Variants in TRPM3 observed in about 807,000 individuals in gnomAD.
TRPM3 encodes long transient receptor potential channel 3.
In TRPM3, 77 loss-of-function variants were observed where a neutral mutation model predicts 181.2. The observed-to-expected ratio is 0.42, with a 90% CI of 0.35 to 0.51. TRPM3 has a LOEUF of 0.51. Ranked by LOEUF, TRPM3 falls within the 20% of genes least tolerant of loss-of-function variation. The pLI is 0.01. For synonymous variants in TRPM3, 745 were observed against 796.4 expected (o/e 0.94, Z 1.09); for missense variants, 1,759 against 2,196.7 (o/e 0.80, Z 3.98).
chr9:70,800,515 T>C (rs1386349393), intron 6 of TRPM3, among the ~76,000 whole-genome samples: 1 of 152,144 alleles, frequency 6.6e-6, no homozygotes, highest in African/African-American at 2.4e-5. Context: ...CACTTATATG[T>C]AGATTTTCTT....
chr9:71,109,143 C>T (rs1194022785), intron 1 of TRPM3, among the ~76,000 whole-genome samples: 1 of 152,200 alleles, frequency 6.6e-6, no homozygotes, highest in Non-Finnish European at 1.5e-5. Flanking sequence ...TTTTCTGGCT[C>T]TCCAGCCAAC....
At chr9:70,975,278 G>A (rs1298876172) in intron 1 of TRPM3, among the ~76,000 whole-genome samples, 1 of 152,088 alleles carries the variant, frequency 6.6e-6, no homozygotes, top group Non-Finnish European at 1.5e-5. Flanking sequence ...ATCTTTAAGA[G>A]TAAAAAAATA....
chr9:71,344,954 A>C (rs1017813627), intron 1 of TRPM3, among the ~76,000 whole-genome samples: 1 of 152,236 alleles, frequency 6.6e-6, no homozygotes, highest in African/African-American at 2.4e-5. Flanking sequence ...ACATTGCTCA[A>C]GAGAAGACAT....
rs548526532 is a variant in TRPM3, at chr9:71,045,044, T to C, written c.177+76134A>G. Among the ~76,000 whole-genome samples, 7 of 152,180 alleles carry C rather than the reference T, an allele frequency of 4.6e-5. No homozygotes were observed. In the East Asian group the frequency reaches 7.7e-4, roughly 17 times the overall value. On this transcript the variant is annotated intron_variant, in intron 1 of 25. Coordinates refer to ENST00000677713, the MANE Select transcript of TRPM3 (RefSeq NM_001366145.2). ...AGGAGACACTCCATCGAAGAGTCTC[T>C]AGGATTTATTATCACTTTTAATACT... is the stretch of plus-strand genomic sequence containing the variant.
At chr9:70,701,862 T>G (rs2072679221) in intron 8 of TRPM3, among the ~76,000 whole-genome samples, 1 of 151,558 alleles carries the variant, frequency 6.6e-6, no homozygotes, top group Non-Finnish European at 1.5e-5. Flanking sequence ...CATGTGTGAG[T>G]CTACATCTTC....
intron 1 of TRPM3, among the ~76,000 whole-genome samples, chr9:71,239,817 T>C (rs1296792521): frequency 1.3e-5 from 2 of 152,146 alleles, no homozygotes; most frequent in South Asian, 2.1e-4. Flanking sequence ...CATGCTTTCA[T>C]GTAAGTTATT....
intron 1 of TRPM3, among the ~76,000 whole-genome samples, chr9:71,316,782 T>C (rs896289856): frequency 1.3e-5 from 2 of 152,264 alleles, no homozygotes; most frequent in South Asian, 2.1e-4. Context: ...TACATTTTTA[T>C]TGTTTAAACC....
chr9:71,236,226 C>T (rs948787515), intron 1 of TRPM3, among the ~76,000 whole-genome samples: 35 of 152,156 alleles, frequency 2.3e-4, no homozygotes, highest in Admixed American at 2.3e-3. Flanking sequence ...AGTGTTAGAT[C>T]CACAACTTTC....
intron 1 of TRPM3, among the ~76,000 whole-genome samples, chr9:71,002,821 C>T (rs979630470): frequency 1.3e-5 from 2 of 152,090 alleles, no homozygotes; most frequent in African/African-American, 2.4e-5. Context: ...ATATGTACCT[C>T]TTAAGAATAA....
chr9:71,326,245 T>C (rs1277005774), intron 1 of TRPM3, among the ~76,000 whole-genome samples: 1 of 152,184 alleles, frequency 6.6e-6, no homozygotes, highest in Non-Finnish European at 1.5e-5. Flanking sequence ...ATGATATTTA[T>C]TAATAATTTA....
intron 8 of TRPM3, among the ~76,000 whole-genome samples, chr9:70,692,491 A>C (rs2068891910): frequency 1.3e-5 from 2 of 152,238 alleles, no homozygotes; most frequent in Admixed American, 1.3e-4. Flanking sequence ...TCCTTGAACC[A>C]GATTTGCTGT....
chr9:70,674,149 C>T (rs2063528222), intron 9 of TRPM3, among the ~76,000 whole-genome samples: 1 of 152,058 alleles, frequency 6.6e-6, no homozygotes, highest in Admixed American at 6.5e-5. Flanking sequence ...GTCTTGTACA[C>T]ATAATTAGAA....
intron 1 of TRPM3, among the ~76,000 whole-genome samples, chr9:71,169,618 T>C (rs1226465178): frequency 6.6e-6 from 1 of 151,978 alleles, no homozygotes; most frequent in Non-Finnish European, 1.5e-5. Context: ...ATTTTTCTTA[T>C]TAGGAAGAGA....
At chr9:71,286,674 A>G (rs530126429) in intron 1 of TRPM3, among the ~76,000 whole-genome samples, 33 of 152,184 alleles carry the variant, frequency 2.2e-4, no homozygotes, top group African/African-American at 7.2e-4. Context: ...ATTCTATTCA[A>G]TTCCACCTGG....
At position 70,639,100 on chromosome 9, in the gene TRPM3, C is replaced by T. The variant is rs143760929; in HGVS notation, c.1541G>A (p.Arg514His). ...LLIENGVSMHRFLTISRLEEL... is the reference protein window; with the variant it reads ...LLIENGVSMHHFLTISRLEEL... ...CTCTAGTCTGGAGATGGTGAGAAAACGGTGCATGCTTACTCCATTCTCTAT... is the reference window on the plus strand; with the variant it reads ...CTCTAGTCTGGAGATGGTGAGAAAATGGTGCATGCTTACTCCATTCTCTAT... The change falls in exon 11 of 26, where the codon CGT becomes CAT. Residue 514 changes from arginine to histidine, a missense_variant. Coordinates refer to ENST00000677713, the MANE Select transcript of TRPM3 (RefSeq NM_001366145.2). 43 of 1,613,818 alleles carry T rather than the reference C, an allele frequency of 2.7e-5. No individual in the cohort carries two copies. The highest frequency in any genetic ancestry group is 1.3e-4 in the Admixed American group (8 of 59,970).
chr9:71,338,756 C>A (rs1192115676), intron 1 of TRPM3, among the ~76,000 whole-genome samples: 1 of 152,116 alleles, frequency 6.6e-6, no homozygotes, highest in African/African-American at 2.4e-5. Flanking sequence ...TACTTCCTTG[C>A]AGACACACAC....
At chr9:70,966,081 C>T (rs2097182604) in intron 1 of TRPM3, among the ~76,000 whole-genome samples, 1 of 147,716 alleles carries the variant, frequency 6.8e-6, no homozygotes, top group Non-Finnish European at 1.5e-5. Flanking sequence ...AAGAAGTGGG[C>T]AAATAGCATG....
At position 70,536,263 on chromosome 9, in the gene TRPM3, C is replaced by T. The variant is rs766632951; in HGVS notation, c.4850G>A (p.Arg1617His). The T allele has an allele frequency of 1.5e-4, 248 of 1,614,090 alleles. No homozygotes were observed. Among genetic ancestry groups the T allele is most frequent in the Non-Finnish European group, 1.9e-4 (228 of 1,180,050 alleles). ...SDSEENEAKG[R>H]RATIAISSQE... ...GGAGGATATTGCAATGGTGGCTCTG[C>T]GGCCTTTGGCCTCATTCTCCTCACT... is the stretch of plus-strand genomic sequence containing the variant. The change falls in exon 26 of 26, where the codon CGC becomes CAC. Residue 1617 changes from arginine to histidine, a missense_variant. Arg to His is a conservative substitution (Grantham distance 29). Coordinates refer to ENST00000677713, the MANE Select transcript of TRPM3 (RefSeq NM_001366145.2).
At chr9:71,057,560 G>C (rs1250639181) in intron 1 of TRPM3, among the ~76,000 whole-genome samples, 2 of 152,030 alleles carry the variant, frequency 1.3e-5, no homozygotes, top group African/African-American at 4.8e-5. Flanking sequence ...TATTTAAAGA[G>C]TGCCTATGAT....
Sources: gnomAD v4.1 joint callset for allele counts (sites outside exome capture counted in the v4.1 genomes callset) on GRCh38, gnomAD v4.1.1 for gene constraint, MANE v1.5 for transcripts, NCBI Gene and HGNC (gene_info 2026-07-23, HGNC 2026-07-21) for gene names.